The following SLC44A5 variants were observed in gnomAD, a reference collection of about 807,000 sequenced individuals.
The protein encoded by SLC44A5 is choline transporter-like protein 5.
Under a neutral mutation model 101.8 loss-of-function variants are expected in SLC44A5, and 57 were observed. The observed-to-expected ratio is 0.56, with a 90% CI of 0.45 to 0.70. SLC44A5 has a LOEUF of 0.70. Among genes scored for constraint, SLC44A5 ranks in the 30% least tolerant of loss-of-function variants. SLC44A5 has a pLI of 0.00. For missense variants in SLC44A5, 737 were observed against 853.1 expected, an observed-to-expected ratio of 0.86 and a Z score of 1.70; for synonymous variants, 281 against 290.9, an observed-to-expected ratio of 0.97 and a Z score of 0.35.
intron 11 of SLC44A5, among the ~76,000 whole-genome samples, chr1:75,235,348 T>C (rs1335233891): frequency 6.6e-6 from 1 of 152,058 alleles, no homozygotes; most frequent in Non-Finnish European, 1.5e-5. Flanking sequence ...GTTCATGTTT[T>C]ACTCTTATGA....
intron 6 of SLC44A5, among the ~76,000 whole-genome samples, chr1:75,255,699 GAATT>G (rs2100665247): frequency 6.6e-6 from 1 of 152,158 alleles, no homozygotes; most frequent in South Asian, 2.1e-4. Context: ...CTCAAAGAAA[GAATT>G]AAACAGGCCT....
chr1:75,317,742 T>A (rs1288790632), intron 4 of SLC44A5, among the ~76,000 whole-genome samples: 2 of 152,154 alleles, frequency 1.3e-5, no homozygotes, highest in Non-Finnish European at 2.9e-5. Flanking sequence ...TTTTCTGATT[T>A]ACAGCTGCTT....
chr1:75,525,753 G>T (rs1670372908), intron 2 of SLC44A5, among the ~76,000 whole-genome samples: 1 of 152,134 alleles, frequency 6.6e-6, no homozygotes, highest in Non-Finnish European at 1.5e-5. Flanking sequence ...TAGATATGAT[G>T]ATGGCATTGC....
At chr1:75,210,552 T>C (rs1646834086) in intron 23 of SLC44A5, among the ~76,000 whole-genome samples, 1 of 152,176 alleles carries the variant, frequency 6.6e-6, no homozygotes, top group Admixed American at 6.5e-5. Flanking sequence ...GAATTGGCCC[T>C]ATATGTCCTT....
At chr1:75,262,654 A>C (rs1650623670) in intron 6 of SLC44A5, among the ~76,000 whole-genome samples, 1 of 152,236 alleles carries the variant, frequency 6.6e-6, no homozygotes, top group Non-Finnish European at 1.5e-5. Context: ...ATGGAACCAA[A>C]AAAGAGCCCG....
At chr1:75,609,393 C>A (rs1675520359) in intron 1 of SLC44A5, among the ~76,000 whole-genome samples, 2 of 151,880 alleles carry the variant, frequency 1.3e-5, no homozygotes, top group Admixed American at 1.3e-4. Context: ...TGTGGAATGG[C>A]TAAATCAAGC....
At chr1:75,476,039 T>G (rs980623458) in intron 2 of SLC44A5, among the ~76,000 whole-genome samples, 19 of 151,978 alleles carry the variant, frequency 1.3e-4, no homozygotes, top group African/African-American at 4.6e-4. Flanking sequence ...AAAAATTAGC[T>G]GGGAATGGTG....
chr1:75,645,403 CT>C, the SLC44A5 span, among the ~76,000 whole-genome samples: 1 of 152,110 alleles, frequency 6.6e-6, no homozygotes, highest in Admixed American at 6.6e-5. Flanking sequence ...TTTCATGTGT[CT>C]TTTGGCTGCA....
the SLC44A5 span, among the ~76,000 whole-genome samples, chr1:75,665,068 A>G: frequency 4.3e-4 from 65 of 152,316 alleles, no homozygotes; most frequent in African/African-American, 1.5e-3. Context: ...ATTTCGATCA[A>G]GCTACCAACA....
chr1:75,332,746 T>C (rs1657145077), intron 4 of SLC44A5, among the ~76,000 whole-genome samples: 1 of 152,160 alleles, frequency 6.6e-6, no homozygotes. Flanking sequence ...AATCCTGAGA[T>C]TCACTGACTC....
chr1:75,681,383 G>C, the SLC44A5 span, among the ~76,000 whole-genome samples: 679 of 151,908 alleles, frequency 4.5e-3, 5 homozygotes, highest in African/African-American at 0.016. Context: ...ACCGAATCCA[G>C]CAGCACATCA....
the SLC44A5 span, among the ~76,000 whole-genome samples, chr1:75,698,322 C>A: frequency 6.6e-6 from 1 of 152,304 alleles, no homozygotes; most frequent in South Asian, 2.1e-4. Flanking sequence ...GGACAGACTG[C>A]CTCCTCAAGT....
intron 2 of SLC44A5, among the ~76,000 whole-genome samples, chr1:75,455,914 T>C (rs1666161163): frequency 6.6e-6 from 1 of 152,176 alleles, no homozygotes; most frequent in South Asian, 2.1e-4. Context: ...TTGGTAGGAA[T>C]GTAAATTAGT....
chr1:75,600,277 A>C (rs889959520), intron 1 of SLC44A5, among the ~76,000 whole-genome samples: 2 of 152,162 alleles, frequency 1.3e-5, no homozygotes, highest in Non-Finnish European at 2.9e-5. Context: ...ATAAAAGTAC[A>C]ACCATGAAAA....
chr1:75,325,376 T>C (rs1283144791), intron 4 of SLC44A5, among the ~76,000 whole-genome samples: 1 of 152,168 alleles, frequency 6.6e-6, no homozygotes, highest in East Asian at 1.9e-4. Flanking sequence ...CCCAGAAATA[T>C]TGTTAGGTTA....
intron 2 of SLC44A5, among the ~76,000 whole-genome samples, chr1:75,491,781 G>A (rs1668440131): frequency 6.6e-6 from 1 of 151,986 alleles, no homozygotes; most frequent in Non-Finnish European, 1.5e-5. Flanking sequence ...TAACATCACA[G>A]GATCTGCAGG....
At chr1:75,675,162 G>C in the SLC44A5 span, among the ~76,000 whole-genome samples, 1 of 152,282 alleles carries the variant, frequency 6.6e-6, no homozygotes, top group South Asian at 2.1e-4. Flanking sequence ...GTCAACAGTA[G>C]TTTAATAGAA....
At chr1:75,325,096 T>C (rs1439551585) in intron 4 of SLC44A5, among the ~76,000 whole-genome samples, 1 of 151,848 alleles carries the variant, frequency 6.6e-6, no homozygotes. Flanking sequence ...ACAACCAGGG[T>C]AATAAATGGA....
At chr1:75,533,324 G>A (rs1356166360) in intron 2 of SLC44A5, among the ~76,000 whole-genome samples, 1 of 152,090 alleles carries the variant, frequency 6.6e-6, no homozygotes, top group African/African-American at 2.4e-5. Flanking sequence ...ATGAAAAATT[G>A]GAGGAACGAG....
Sources: gnomAD v4.1 joint callset for allele counts (sites outside exome capture counted in the v4.1 genomes callset) on GRCh38, gnomAD v4.1.1 for gene constraint, MANE v1.5 for transcripts, NCBI Gene and HGNC (gene_info 2026-07-23, HGNC 2026-07-21) for gene names.